C14orf93: variants seen among roughly 807,000 people sequenced by gnomAD.
C14orf93 encodes the protein chromosome 14 open reading frame 93.
Under a neutral mutation model 44.0 loss-of-function variants are expected in C14orf93, and 23 were observed. The observed-to-expected ratio is 0.52, with a 90% CI of 0.38 to 0.74. The LOEUF (loss-of-function observed/expected upper bound fraction) is 0.74. C14orf93 is among the 30% of genes least tolerant of loss of function. C14orf93 has a pLI of 0.00. For missense variants in C14orf93, 579 were observed against 678.9 expected (o/e 0.85, Z 1.64); for synonymous variants, 253 against 265.7 (o/e 0.95, Z 0.46).
intron 5 of C14orf93, among the ~76,000 whole-genome samples, chr14:22,989,137 C>T (rs1231668515): frequency 6.6e-6 from 1 of 152,098 alleles, no homozygotes; most frequent in East Asian, 1.9e-4. Context: ...GCATGCCACC[C>T]CACCCAGTTA....
intron 1 of C14orf93, among the ~76,000 whole-genome samples, chr14:23,004,151 G>A (rs1033410270): frequency 7.3e-5 from 11 of 150,054 alleles, no homozygotes; most frequent in South Asian, 2.1e-4. Context: ...CTTGTGATCC[G>A]CCCTCCTCAG....
intron 3 of C14orf93, 96 bp downstream of exon 3, chr14:22,995,852 T>G: frequency 8.4e-7 from 1 of 1,191,800 alleles, no homozygotes; most frequent in South Asian, 1.6e-5. Context: ...CAGTACAGCA[T>G]TCATTCAATA....
chr14:22,994,734 GA>G (rs58652858), intron 3 of C14orf93, among the ~76,000 whole-genome samples: 13,413 of 123,528 alleles, frequency 0.11, 1,809 homozygotes, highest in African/African-American at 0.33. Context: ...TCTCAAGAAA[GA>G]AAAAAAAAAA....
intron 3 of C14orf93, among the ~76,000 whole-genome samples, chr14:22,992,718 G>T (rs1355918557): frequency 1.3e-5 from 2 of 151,514 alleles, no homozygotes; most frequent in African/African-American, 4.8e-5. Flanking sequence ...CTAGTTAGCT[G>T]GGATTACAGG....
At chr14:22,995,525 C>A (rs904817278) in intron 3 of C14orf93, among the ~76,000 whole-genome samples, 9 of 151,796 alleles carry the variant, frequency 5.9e-5, no homozygotes, top group Non-Finnish European at 1.0e-4. Context: ...ACTGAAAATT[C>A]AAAAATTAGC....
rs181782435 is a variant in C14orf93 at position 23,007,990 on chromosome 14, T to C, written c.-380+2111A>G. On this transcript the variant is annotated intron_variant, in intron 1 of 6. Transcript: ENST00000299088. ...CAACATGGTGAAACCCCGTCTCTAC[T>C]AAAAATACAAAAATCAGCCCGGCAT... 2.0e-5 allele frequency among the ~76,000 whole-genome samples: 3 copies of C among 151,880 alleles called. No homozygotes were observed. In the East Asian group the frequency reaches 5.8e-4, roughly 29 times the overall value.
At chr14:23,001,839 T>TAAAAA (rs780256403) in intron 1 of C14orf93, among the ~76,000 whole-genome samples, 3 of 59,552 alleles carry the variant, frequency 5.0e-5, no homozygotes, top group African/African-American at 1.5e-4. Flanking sequence ...TACTGCAGGT[T>TAAAAA]AAAAAAAAAA....
chr14:22,996,043 C>A lies in C14orf93; in HGVS notation c.823G>T (p.Glu275Ter). The A allele has an allele frequency of 6.2e-7, 1 of 1,614,176 alleles. No homozygotes were observed. Among genetic ancestry groups the A allele is most frequent in the South Asian group, 1.1e-5 (1 of 91,082 alleles). ...LEESGPGSTGELRHSLGLTVS... is the reference protein window; with the variant it reads ...LEESGPGSTG ...GTCAGCCCTAGAGAGTGTCTCAGCT[C>A]CCCAGTGCTCCCAGGGCCTGACTCT... The change falls in exon 3 of 7, where the codon GAG (glutamate) becomes TAG (stop). Residue 275 changes from glutamate (E) to a stop codon, truncating the protein, a stop_gained. Coordinates refer to ENST00000299088, the MANE Select transcript of C14orf93 (RefSeq NM_021944.4). LOFTEE classifies it high-confidence loss of function. This position sits in a 1 kb window ranked among gnomAD's most constrained non-coding sequence, Gnocchi z 4.1.
rs1208198970 is a variant in C14orf93 at position 23,007,017 on chromosome 14, G to C, written c.-380+3084C>G. 3 of 152,454 alleles carry C rather than the reference G, an allele frequency of 2.0e-5. No individual in the cohort carries two copies. The East Asian group carries it at 5.8e-4, about 29-fold the overall frequency. The allele number at this position is 152,454 out of a possible 1,614,324, so 9.4% of individuals were successfully genotyped here. ...CGCTCGCCGTGAGAACTGACGCGGA[G>C]GTGCAGCTTTGCAGCCCTACAGATG... On this transcript the variant is annotated intron_variant, in intron 1 of 6. Transcript: ENST00000299088.
chr14:23,004,174 C>T (rs1010567585), intron 1 of C14orf93, among the ~76,000 whole-genome samples: 12 of 150,204 alleles, frequency 8.0e-5, no homozygotes, highest in South Asian at 2.1e-4. Flanking sequence ...TCCCAAAGTG[C>T]TGAGATTACA....
chr14:23,003,334 A>G (rs200905445), intron 1 of C14orf93, among the ~76,000 whole-genome samples: 2 of 152,244 alleles, frequency 1.3e-5, no homozygotes, highest in East Asian at 3.8e-4. Context: ...GCCTCTTGCT[A>G]TAGTCTCTCA....
chr14:22,987,983 G>A lies in C14orf93; in HGVS notation c.1117C>T (p.Arg373Cys), dbSNP rs145175744. The A allele has an allele frequency of 9.9e-6, 16 of 1,613,708 alleles. No homozygotes were observed. Among genetic ancestry groups the A allele is most frequent in the East Asian group, 2.2e-5 (1 of 44,868 alleles). The change falls in exon 6 of 7, where the codon CGT becomes TGT. Residue 373 changes from arginine to cysteine, a missense_variant. Transcript: ENST00000299088. This position sits in a 1 kb window ranked among gnomAD's most constrained non-coding sequence, Gnocchi z 5.6. ...GGGTTCAGGGAGTTGCGGTACTCACGCCTCTTAGTAAGGAAGTAGGCCACA... is the reference window on the plus strand; with the variant it reads ...GGGTTCAGGGAGTTGCGGTACTCACACCTCTTAGTAAGGAAGTAGGCCACA... ...ACVAYFLTKR[R>C]EYRNSLNPFK...
Position 22,996,027 on chromosome 14 carries a change from A to G in C14orf93, c.839T>C (p.Leu280Pro). The G allele has an allele frequency of 1.2e-6, 2 of 1,614,168 alleles. No homozygotes were observed. Among genetic ancestry groups the G allele is most frequent in the Non-Finnish European group, 1.7e-6 (2 of 1,180,018 alleles). Residue 280 changes from leucine (L) to proline (P), a missense_variant, in exon 3 of 7, where the codon CTA becomes CCA. Leu to Pro is a moderately conservative substitution (Grantham distance 98). Transcript: ENST00000299088. The surrounding 1 kb of genome is among the most constrained non-coding windows in gnomAD (Gnocchi z 4.1). ...PGSTGELRHS[L>P]GLTVSPCRTR... ...CCTGCATGGGGAAACGGTCAGCCCTAGAGAGTGTCTCAGCTCCCCAGTGCT... is the reference window on the plus strand; with the variant it reads ...CCTGCATGGGGAAACGGTCAGCCCTGGAGAGTGTCTCAGCTCCCCAGTGCT...
intron 1 of C14orf93, among the ~76,000 whole-genome samples, chr14:23,007,733 C>T (rs549568125): frequency 1.3e-5 from 2 of 152,230 alleles, no homozygotes; most frequent in South Asian, 2.1e-4. Context: ...ATCAGGGATA[C>T]GGGCTCTGCA....
At chr14:23,008,146 C>A (rs1439041677) in intron 1 of C14orf93, among the ~76,000 whole-genome samples, 1 of 118,394 alleles carries the variant, frequency 8.4e-6, no homozygotes, top group Non-Finnish European at 1.7e-5. Flanking sequence ...AAGAGCGAAA[C>A]TCCGTTTCAA....
At position 22,996,855 on chromosome 14, in the gene C14orf93, G is replaced by A. The variant is rs1447955662; in HGVS notation, c.598-587C>T. On this transcript the variant is annotated intron_variant, in intron 2 of 6. Transcript: ENST00000299088. This position sits in a 1 kb window ranked among gnomAD's most constrained non-coding sequence, Gnocchi z 4.1. ...CCCTGACATCTACCTGACTGCCTGT[G>A]CCCTCACTCAAGGACATACAGAGCC... Among the ~76,000 whole-genome samples the A allele has an allele frequency of 6.6e-6, 1 of 152,134 alleles. No homozygotes were observed. The highest frequency in any genetic ancestry group is 1.5e-5 in the Non-Finnish European group (1 of 68,026).
At chr14:22,992,965 C>G (rs772389125) in intron 3 of C14orf93, among the ~76,000 whole-genome samples, 2 of 152,020 alleles carry the variant, frequency 1.3e-5, no homozygotes, top group Admixed American at 6.6e-5. Context: ...CTGCAACCTC[C>G]GCCTCCCAGG....
In C14orf93 at chr14:22,998,680, C is replaced by T. The variant is rs141894847; in HGVS notation, c.344G>A (p.Arg115Gln). ...CTCCTCAGGTGGGGAACTATGTGCC[C>T]GGCTTTCCCCATCTTCATCAGGGAT... The part of the protein sequence containing the change: ...VSIPDEDGES[R>Q]AHSSPPEEPG... Residue 115 changes from arginine (R) to glutamine (Q), a missense_variant, in exon 2 of 7, where the codon CGG (arginine) becomes CAG (glutamine). Transcript: ENST00000299088. 76 of 1,614,168 alleles carry T rather than the reference C, an allele frequency of 4.7e-5. No individual in the cohort carries two copies. The highest frequency in any genetic ancestry group is 4.0e-4 in the East Asian group (18 of 44,882).
chr14:22,990,223 G>A, intron 3 of C14orf93, 96 bp from the exon 4 acceptor site: 2 of 1,026,096 alleles, frequency 1.9e-6, no homozygotes, highest in Non-Finnish European at 2.9e-6. Flanking sequence ...TCCCTAAGGG[G>A]CTCTCTGCCT....
Sources: allele counts gnomAD v4.1 joint callset (sites outside exome capture counted in the v4.1 genomes callset), GRCh38; gene constraint gnomAD v4.1.1; non-coding constraint Gnocchi (gnomAD v3.1); transcripts MANE v1.5; gene names NCBI Gene and HGNC (gene_info 2026-07-23, HGNC 2026-07-21).